ITGA11: variants seen among roughly 807,000 people sequenced by gnomAD.
The protein encoded by ITGA11 is integrin subunit alpha 11.
In ITGA11, 97 loss-of-function variants were observed where a neutral mutation model predicts 141.9. The observed-to-expected ratio is 0.68, with a 90% CI of 0.58 to 0.81. The LOEUF (loss-of-function observed/expected upper bound fraction) is 0.81. Among genes scored for constraint, ITGA11 ranks in the 30% least tolerant of loss-of-function variants. The pLI, the probability that ITGA11 is intolerant of heterozygous loss-of-function variation, is 0.00. For synonymous variants in ITGA11, 658 were observed against 624.6 expected (o/e 1.05, Z -0.80); for missense variants, 1,387 against 1,559.2 (o/e 0.89, Z 1.86).
chr15:68,426,076 G>T (rs1173862459), intron 1 of ITGA11, among the ~76,000 whole-genome samples: 1 of 152,320 alleles, frequency 6.6e-6, no homozygotes, highest in Non-Finnish European at 1.5e-5. Context: ...CAGTGATGGG[G>T]CAGGGGGCTA....
At chr15:68,407,619 T>C (rs538155510) in intron 1 of ITGA11, among the ~76,000 whole-genome samples, 1 of 152,336 alleles carries the variant, frequency 6.6e-6, no homozygotes, top group South Asian at 2.1e-4. Flanking sequence ...TTGCCACTGT[T>C]CTGCCCTTGA....
rs967444792 is a variant in ITGA11 at position 68,386,717 on chromosome 15, G to C, written c.164+16201C>G. The stretch of plus-strand genomic sequence containing the variant: ...CCTTTCTCCTTTTTCTCCTGGTCCA[G>C]GGACCCTCCCTCTGGCTGCTCTTGT... On this transcript the variant is annotated intron_variant, in intron 2 of 29. Transcript: ENST00000315757. 2.0e-5 allele frequency among the ~76,000 whole-genome samples: 3 copies of C among 152,166 alleles called. No individual in the cohort carries two copies. The East Asian group carries it at 5.8e-4, about 29-fold the overall frequency.
Position 68,329,622 on chromosome 15 carries a change from T to C in ITGA11, c.1901+1359A>G, listed in dbSNP as rs547410445. On this transcript the variant is annotated intron_variant, in intron 15 of 29. Transcript: ENST00000315757. ...CTTGCTTCCTGTAGAGAAGTTTATA[T>C]GTTACTTTAAAGACCTGCTAGGTTC... Among the ~76,000 whole-genome samples the C allele has an allele frequency of 4.6e-5, 7 of 152,312 alleles. No homozygotes were observed. In the South Asian group the frequency reaches 6.2e-4, roughly 14 times the overall value.
At chr15:68,397,593 T>C (rs1485106469) in intron 2 of ITGA11, among the ~76,000 whole-genome samples, 2 of 38,904 alleles carry the variant, frequency 5.1e-5, no homozygotes, top group African/African-American at 1.6e-4. Flanking sequence ...TAAAATATTA[T>C]AAAATATTTA....
intron 7 of ITGA11, among the ~76,000 whole-genome samples, chr15:68,356,691 G>GC (rs768104969): frequency 1.6e-4 from 24 of 152,296 alleles, no homozygotes; most frequent in Non-Finnish European, 3.2e-4. Flanking sequence ...TCAGTCACTT[G>GC]CCCAACCAAT....
intron 2 of ITGA11, among the ~76,000 whole-genome samples, chr15:68,370,308 G>A (rs1002237958): frequency 2.6e-5 from 4 of 152,174 alleles, no homozygotes; most frequent in Admixed American, 6.5e-5. Context: ...GCCAAGCCCC[G>A]GTGGCCGTGC....
chr15:68,314,847 C>T (rs540563702), intron 22 of ITGA11, among the ~76,000 whole-genome samples: 4 of 152,122 alleles, frequency 2.6e-5, no homozygotes, highest in Non-Finnish European at 5.9e-5. Flanking sequence ...CTGACCTGCA[C>T]GTGTGTGTGC....
chr15:68,359,661 AAAAC>A (rs1366768605), intron 5 of ITGA11, among the ~76,000 whole-genome samples: 7 of 149,692 alleles, frequency 4.7e-5, no homozygotes, highest in Non-Finnish European at 1.0e-4. Context: ...CAAACAAAAC[AAAAC>A]AAACAAATAA....
At chr15:68,372,394 G>A (rs1050138881) in intron 2 of ITGA11, among the ~76,000 whole-genome samples, 3 of 152,178 alleles carry the variant, frequency 2.0e-5, no homozygotes, top group African/African-American at 7.2e-5. Flanking sequence ...CCTCTCGGGG[G>A]CTTGATACCC....
intron 11 of ITGA11, among the ~76,000 whole-genome samples, chr15:68,337,209 G>T (rs918854572): frequency 6.6e-6 from 1 of 152,278 alleles, no homozygotes; most frequent in East Asian, 1.9e-4. Context: ...GCAGGCATGG[G>T]TCAGCATTCA....
Position 68,313,819 on chromosome 15 carries a change from G to C in ITGA11, c.2842C>G (p.Arg948Gly), listed in dbSNP as rs754430765. The C allele has an allele frequency of 6.2e-7, 1 of 1,613,868 alleles. No homozygotes were observed. The change falls in exon 23 of 30, where the codon CGC becomes GGC. Residue 948 changes from arginine (R) to glycine (G), a missense_variant. Physicochemically the swap from Arg to Gly is moderately radical, Grantham distance 125. Transcript: ENST00000315757. ...STKEDNVAPL[R>G]FHLKYEADVL... The stretch of plus-strand genomic sequence containing the variant: ...TCAGCCTCGTATTTGAGGTGGAAGC[G>C]TAAGGGGGCCACGTTGTCTTCCTTG...
chr15:68,386,923 G>A (rs1895998446), intron 2 of ITGA11, among the ~76,000 whole-genome samples: 2 of 151,428 alleles, frequency 1.3e-5, no homozygotes, highest in African/African-American at 4.9e-5. Flanking sequence ...GGTGGGACAG[G>A]GCAGCCTCCC....
Position 68,402,881 on chromosome 15 carries a change from G to C in ITGA11, c.164+37C>G, listed in dbSNP as rs142001507. ...GGATGGAGGGGGCTGGGTGTGGAAT[G>C]GTACAGGGCTGGGTGTGGGCGGCCG... is the stretch of plus-strand genomic sequence containing the variant. On this transcript the variant is annotated intron_variant, in intron 2 of 29. Transcript: ENST00000315757. The C allele has an allele frequency of 2.7e-3, 3,827 of 1,414,208 alleles. 13 individuals carry two copies. Among genetic ancestry groups the C allele is most frequent in the Non-Finnish European group, 3.2e-3 (3,211 of 1,008,402 alleles). The allele number at this position is 1,414,208 out of a possible 1,614,324, so 87.6% of individuals were successfully genotyped here.
Position 68,304,055 on chromosome 15 carries a change from G to A in ITGA11, c.3382-170C>T, listed in dbSNP as rs1893114506. On this transcript the variant is annotated intron_variant, in intron 28 of 29. Coordinates refer to ENST00000315757, the MANE Select transcript of ITGA11 (RefSeq NM_001004439.2). The surrounding 1 kb of genome is among the most constrained non-coding windows in gnomAD (Gnocchi z 6.1). ...GACAGGCCAGCCAAGGCCTCAGGACGACCACTGCCTGAACAGCCGACACTG... is the reference window on the plus strand; with the variant it reads ...GACAGGCCAGCCAAGGCCTCAGGACAACCACTGCCTGAACAGCCGACACTG... 6.6e-6 allele frequency among the ~76,000 whole-genome samples: 1 copy of A among 152,096 alleles called. No homozygotes were observed. Among genetic ancestry groups the A allele is most frequent in the Non-Finnish European group, 1.5e-5 (1 of 68,008 alleles).
At chr15:68,311,931 C>T (rs1263619294) in intron 24 of ITGA11, among the ~76,000 whole-genome samples, 1 of 152,194 alleles carries the variant, frequency 6.6e-6, no homozygotes, top group African/African-American at 2.4e-5. Context: ...GAATCTAATC[C>T]TGGGCCCACC....
At position 68,298,927 on chromosome 15, in the gene ITGA11, C is replaced by T. The variant is rs1275990416; in HGVS notation, c.*4132G>A. The stretch of plus-strand genomic sequence containing the variant: ...TGAGTGTGGTGTGTGCCTGTAGTCC[C>T]AGCTACTTGGGAAACTGAGGTGGGA... On this transcript the variant is annotated 3_prime_UTR_variant, in exon 30 of 30. Transcript: ENST00000315757. 6.6e-6 allele frequency: 1 copy of T among 151,858 alleles called. No homozygotes were observed. Among genetic ancestry groups the T allele is most frequent in the Non-Finnish European group, 1.5e-5 (1 of 68,004 alleles). The allele number at this position is 151,858 out of a possible 1,614,324, so 9.4% of individuals were successfully genotyped here.
chr15:68,361,868 C>T, intron 4 of ITGA11, 164 bp from the exon 5 acceptor site: 1 of 590,930 alleles, frequency 1.7e-6, no homozygotes, highest in Non-Finnish European at 3.0e-6. Context: ...CTCTCTCTTG[C>T]TGCAATGTGT....
Position 68,322,956 on chromosome 15 carries a change from C to T in ITGA11, c.2323-1453G>A, listed in dbSNP as rs1285669736. ...GGCCCACCCAGGGCGAGGACCTCAG[C>T]AGGCAGATGGATATTCAAGCCTGGA... is the stretch of plus-strand genomic sequence containing the variant. On this transcript the variant is annotated intron_variant, in intron 18 of 29. Coordinates refer to ENST00000315757, the MANE Select transcript of ITGA11 (RefSeq NM_001004439.2). This position sits in a 1 kb window ranked among gnomAD's most constrained non-coding sequence, Gnocchi z 5.6. 6.6e-6 allele frequency among the ~76,000 whole-genome samples: 1 copy of T among 152,104 alleles called. No individual in the cohort carries two copies. The highest frequency in any genetic ancestry group is 1.5e-5 in the Non-Finnish European group (1 of 68,028).
chr15:68,348,813 G>GTACCTCCACCACA lies in ITGA11; in HGVS notation c.1131+4_1131+16dup. 1 of 1,599,892 alleles carries GTACCTCCACCACA rather than the reference G, an allele frequency of 6.3e-7. No homozygotes were observed. Among genetic ancestry groups the GTACCTCCACCACA allele is most frequent in the Non-Finnish European group, 8.5e-7 (1 of 1,172,894 alleles). ...GAGACAGAGGCTGGGCTCTGTGCCC[G>GTACCTCCACCACA]TACCTCCACCACATACCTCCACCAC... is the stretch of plus-strand genomic sequence containing the variant. On this transcript the variant is annotated intron_variant, in intron 10 of 29. Transcript: ENST00000315757.
Sources: gnomAD v4.1 joint callset for allele counts (sites outside exome capture counted in the v4.1 genomes callset) on GRCh38, gnomAD v4.1.1 for gene constraint, Gnocchi (gnomAD v3.1) non-coding constraint, MANE v1.5 for transcripts, NCBI Gene and HGNC (gene_info 2026-07-23, HGNC 2026-07-21) for gene names.